PACC1: variants seen among roughly 807,000 people sequenced by gnomAD.
The protein encoded by PACC1 is proton activated chloride channel 1.
PACC1 carries 34 observed loss-of-function variants against 39.7 expected under a neutral mutation model. The ratio of observed to expected loss-of-function variants is 0.86; its 90% CI spans 0.65 to 1.14. The LOEUF is 1.14. Ranked by LOEUF, PACC1 falls within the 50% of genes most tolerant of loss-of-function variation. The probability of loss-of-function intolerance (pLI) is 0.00; values close to 1 mark genes in which losing one functional copy is unlikely to be tolerated. For synonymous variants in PACC1, 127 were observed against 160.6 expected (o/e 0.79, Z 1.58); for missense variants, 379 against 436.4 (o/e 0.87, Z 1.17).
intron 2 of PACC1, among the ~76,000 whole-genome samples, chr1:212,398,549 C>T (rs1391196575): frequency 6.6e-6 from 1 of 152,202 alleles, no homozygotes; most frequent in Non-Finnish European, 1.5e-5. Context: ...GTTTACTCTA[C>T]AGGTACGAGG....
intron 1 of PACC1, among the ~76,000 whole-genome samples, chr1:212,410,940 T>C (rs572990716): frequency 6.6e-6 from 1 of 152,236 alleles, no homozygotes; most frequent in African/African-American, 2.4e-5. Flanking sequence ...CAATCTCCAC[T>C]CTCCGCTGCC....
In PACC1 at chr1:212,367,265, G is replaced by GAC. The variant is rs146800232; in HGVS notation, c.892-1891_892-1890dup. Among the ~76,000 whole-genome samples, 36 of 152,286 alleles carry GAC rather than the reference G, an allele frequency of 2.4e-4. No homozygotes were observed. In the East Asian group the frequency reaches 6.6e-3, roughly 28 times the overall value. On this transcript the variant is annotated intron_variant, in intron 7 of 7. Transcript: ENST00000261455. Reference sequence around the variant, plus strand: ...CTGGTTTAGTATAATAACAGGAAAAGACACACTGAAGAAGAGTAGAAAGGA... The same window carrying GAC: ...CTGGTTTAGTATAATAACAGGAAAAGACACACACTGAAGAAGAGTAGAAAGGA...
At chr1:212,380,388 T>C (rs1049842832) in intron 4 of PACC1, among the ~76,000 whole-genome samples, 1 of 152,268 alleles carries the variant, frequency 6.6e-6, no homozygotes, top group African/African-American at 2.4e-5. Flanking sequence ...TCCAATGTCA[T>C]TTGTCCTATG....
At chr1:212,388,836 T>C (rs956964135) in intron 2 of PACC1, among the ~76,000 whole-genome samples, 2 of 152,110 alleles carry the variant, frequency 1.3e-5, no homozygotes, top group East Asian at 3.9e-4. Flanking sequence ...GCTCCTCAGC[T>C]GAAAATGGAG....
intron 7 of PACC1, among the ~76,000 whole-genome samples, chr1:212,367,212 C>CA (rs1660277560): frequency 1.3e-5 from 2 of 152,034 alleles, no homozygotes; most frequent in Admixed American, 6.6e-5. Flanking sequence ...ACACAAGAGC[C>CA]AAAAAACCAG....
At chr1:212,411,180 A>G (rs2102548685) in intron 1 of PACC1, among the ~76,000 whole-genome samples, 1 of 152,376 alleles carries the variant, frequency 6.6e-6, no homozygotes, top group South Asian at 2.1e-4. Flanking sequence ...TTCCATGGCC[A>G]TAAAGCCAGG....
intron 6 of PACC1, among the ~76,000 whole-genome samples, chr1:212,376,501 T>G (rs1660671413): frequency 6.6e-6 from 1 of 152,206 alleles, no homozygotes; most frequent in Non-Finnish European, 1.5e-5. Flanking sequence ...GGGGTTGAAC[T>G]TAATTGTAAG....
At chr1:212,392,669 G>C (rs1015960420) in intron 2 of PACC1, among the ~76,000 whole-genome samples, 1 of 152,042 alleles carries the variant, frequency 6.6e-6, no homozygotes. Flanking sequence ...AGACCCATCA[G>C]TGTGCTGTAT....
At chr1:212,365,429 C>CTTTT (rs879161931) in intron 7 of PACC1, 53 bp from the exon 8 acceptor site, 25 of 978,012 alleles carry the variant, frequency 2.6e-5, no homozygotes, top group Middle Eastern at 3.4e-4. Context: ...AGTCTTGATT[C>CTTTT]TTTTTTTTTT....
chr1:212,368,970 G>A (rs1282898273), intron 7 of PACC1, among the ~76,000 whole-genome samples: 3 of 150,436 alleles, frequency 2.0e-5, no homozygotes, highest in African/African-American at 7.3e-5. Context: ...AGCTTGCAGT[G>A]AGCTGAGATT....
At chr1:212,410,924 G>A (rs1344558247) in intron 1 of PACC1, among the ~76,000 whole-genome samples, 3 of 152,144 alleles carry the variant, frequency 2.0e-5, no homozygotes, top group African/African-American at 7.2e-5. Context: ...GGCTCGTAGA[G>A]GCATCCAATC....
chr1:212,367,032 G>A (rs760961723), intron 7 of PACC1, among the ~76,000 whole-genome samples: 2 of 152,142 alleles, frequency 1.3e-5, no homozygotes, highest in African/African-American at 4.8e-5. Flanking sequence ...CTGGTGGACG[G>A]TGTGTCTTAA....
intron 2 of PACC1, among the ~76,000 whole-genome samples, chr1:212,409,659 T>C (rs997746711): frequency 1.3e-5 from 2 of 151,972 alleles, no homozygotes; most frequent in Non-Finnish European, 2.9e-5. Context: ...CATGTGGAGT[T>C]GAGGGAAGCT....
At chr1:212,373,698 T>TA (rs1461522251) in intron 7 of PACC1, among the ~76,000 whole-genome samples, 1 of 152,122 alleles carries the variant, frequency 6.6e-6, no homozygotes, top group African/African-American at 2.4e-5. Context: ...GAGATCTGAA[T>TA]AGAGATTTAT....
intron 4 of PACC1, among the ~76,000 whole-genome samples, chr1:212,384,072 CCTT>C (rs1661006562): frequency 2.0e-5 from 3 of 152,110 alleles, no homozygotes; most frequent in Non-Finnish European, 4.4e-5. Flanking sequence ...ACAGGTCTCT[CCTT>C]CATCTGTTTT....
intron 1 of PACC1, among the ~76,000 whole-genome samples, chr1:212,412,095 C>A (rs1163433801): frequency 6.6e-6 from 1 of 151,462 alleles, no homozygotes; most frequent in Admixed American, 6.6e-5. Context: ...GAGCCGAGAT[C>A]GCACCATTGC....
At chr1:212,376,285 C>CT (rs1334048056) in intron 6 of PACC1, among the ~76,000 whole-genome samples, 2 of 152,108 alleles carry the variant, frequency 1.3e-5, no homozygotes, top group African/African-American at 4.8e-5. Flanking sequence ...TAGGGGCATA[C>CT]CTATGTGAGA....
chr1:212,383,345 G>C (rs1049189247), intron 4 of PACC1, among the ~76,000 whole-genome samples: 1 of 152,200 alleles, frequency 6.6e-6, no homozygotes, highest in Non-Finnish European at 1.5e-5. Flanking sequence ...CACTTCAACT[G>C]GGGGAGGAGA....
At chr1:212,369,186 A>T (rs1395578212) in intron 7 of PACC1, among the ~76,000 whole-genome samples, 1 of 152,232 alleles carries the variant, frequency 6.6e-6, no homozygotes, top group Non-Finnish European at 1.5e-5. Flanking sequence ...TAACTGCAAG[A>T]TGTTTTTTAT....
Sources: gnomAD v4.1 joint callset for allele counts (sites outside exome capture counted in the v4.1 genomes callset) on GRCh38, gnomAD v4.1.1 for gene constraint, MANE v1.5 for transcripts, NCBI Gene and HGNC (gene_info 2026-07-23, HGNC 2026-07-21) for gene names.